The following FGFR1OP2 variants were observed in gnomAD, a reference collection of about 807,000 sequenced individuals.
FGFR1OP2 encodes FGFR1 oncogene partner 2.
A neutral mutation model predicts 35.2 loss-of-function variants in FGFR1OP2; 17 were observed. The observed-to-expected ratio is 0.48, with a 90% CI of 0.33 to 0.73. FGFR1OP2 has a LOEUF of 0.73. FGFR1OP2 is among the 30% of genes least tolerant of loss of function. The pLI, the probability that FGFR1OP2 is intolerant of heterozygous loss-of-function variation, is 0.02. For synonymous variants in FGFR1OP2, 105 were observed against 104.6 expected (o/e 1.00, Z -0.03); for missense variants, 251 against 307.3 (o/e 0.82, Z 1.37).
At chr12:26,944,981 T>C (rs935052674) in intron 1 of FGFR1OP2, among the ~76,000 whole-genome samples, 3 of 152,188 alleles carry the variant, frequency 2.0e-5, no homozygotes, top group African/African-American at 7.2e-5. Context: ...TCATTTAAAT[T>C]ATCCAATTCA....
intron 1 of FGFR1OP2, among the ~76,000 whole-genome samples, chr12:26,947,776 GTCTTAA>G (rs1445422009): frequency 3.3e-5 from 5 of 152,032 alleles, no homozygotes; most frequent in Non-Finnish European, 5.9e-5. Flanking sequence ...CTGATCATCT[GTCTTAA>G]TCTTATCTAA....
rs1411795451 is a variant in FGFR1OP2 at position 26,958,312 on chromosome 12, G to A, written c.396+569G>A. On this transcript the variant is annotated intron_variant, in intron 4 of 6. Transcript: ENST00000229395. The stretch of plus-strand genomic sequence containing the variant: ...GGAGTTTGAGGTTACATTGAGCTAC[G>A]ATCATGCCATTGCACTCCCATCTAG... 3.3e-5 allele frequency among the ~76,000 whole-genome samples: 5 copies of A among 152,178 alleles called. No individual in the cohort carries two copies. The East Asian group carries it at 5.8e-4, about 18-fold the overall frequency.
intron 1 of FGFR1OP2, among the ~76,000 whole-genome samples, chr12:26,944,724 GA>G (rs1340815494): frequency 2.5e-4 from 38 of 152,240 alleles, no homozygotes; most frequent in Non-Finnish European, 4.0e-4. Context: ...CAGTTTATGA[GA>G]TTAAAATTAC....
At chr12:26,946,059 T>C (rs1432298540) in intron 1 of FGFR1OP2, among the ~76,000 whole-genome samples, 1 of 152,188 alleles carries the variant, frequency 6.6e-6, no homozygotes, top group African/African-American at 2.4e-5. Flanking sequence ...TCATTTTGCC[T>C]ATATTGCTGA....
intron 4 of FGFR1OP2, among the ~76,000 whole-genome samples, chr12:26,959,577 A>G (rs1939073034): frequency 6.6e-6 from 1 of 152,160 alleles, no homozygotes; most frequent in Non-Finnish European, 1.5e-5. Context: ...CCTAAAATAT[A>G]TTAGATTTTA....
chr12:26,953,410 T>C (rs755609777), intron 1 of FGFR1OP2: 3 of 152,126 alleles, frequency 2.0e-5, no homozygotes, highest in Admixed American at 6.5e-5. Context: ...TTGAAGAAGC[T>C]GACAATTGAC....
rs376424844 is a variant in FGFR1OP2 at position 26,956,650 on chromosome 12, A to G, written c.243A>G (p.Gln81=). The change falls in exon 3 of 7, where the codon CAA becomes CAG. Residue 81 remains glutamine, a synonymous_variant. Transcript: ENST00000229395. The part of the protein sequence containing the change: ...QENRQIRELQ[Q]ENKELRTSLE... ...ACAGACAAATCAGAGAGTTGCAACA[A>G]GAAAACAAAGGTAAGATACGTTACT... 1.9e-6 allele frequency: 3 copies of G among 1,579,506 alleles called. No homozygotes were observed. Among genetic ancestry groups the G allele is most frequent in the African/African-American group, 2.7e-5 (2 of 73,822 alleles).
At position 26,964,850 on chromosome 12, in the gene FGFR1OP2, G is replaced by T; in HGVS notation, c.*117G>T. 1 of 1,061,206 alleles carries T rather than the reference G, an allele frequency of 9.4e-7. No homozygotes were observed. Among genetic ancestry groups the T allele is most frequent in the East Asian group, 2.5e-5 (1 of 40,556 alleles). 65.7% of individuals were successfully genotyped at this position (1,061,206 alleles called of 1,614,324 possible). ...TTCTCTGTAAATATGTACAGTGCACGGGCTATGAGATAGCAACAAAAAATG... is the reference window on the plus strand; with the variant it reads ...TTCTCTGTAAATATGTACAGTGCACTGGCTATGAGATAGCAACAAAAAATG... On this transcript the variant is annotated 3_prime_UTR_variant, in exon 7 of 7. Coordinates refer to ENST00000229395, the MANE Select transcript of FGFR1OP2 (RefSeq NM_015633.3).
chr12:26,940,839 TC>T (rs1337939112), intron 1 of FGFR1OP2, among the ~76,000 whole-genome samples: 1 of 152,224 alleles, frequency 6.6e-6, no homozygotes, highest in East Asian at 1.9e-4. Flanking sequence ...GAAATTTTTT[TC>T]GTCTTTAATT....
intron 1 of FGFR1OP2, among the ~76,000 whole-genome samples, chr12:26,939,088 C>CA (rs1177638760): frequency 2.0e-5 from 3 of 152,148 alleles, no homozygotes; most frequent in Non-Finnish European, 2.9e-5. Context: ...AACTGCTCTC[C>CA]AAGGGGTATT....
At chr12:26,959,370 A>G (rs1939070377) in intron 4 of FGFR1OP2, among the ~76,000 whole-genome samples, 1 of 152,134 alleles carries the variant, frequency 6.6e-6, no homozygotes, top group Non-Finnish European at 1.5e-5. Context: ...TAAAGGCACT[A>G]AAAGGAGTTG....
At chr12:26,952,323 C>T (rs1016435187) in intron 1 of FGFR1OP2, among the ~76,000 whole-genome samples, 3 of 152,038 alleles carry the variant, frequency 2.0e-5, no homozygotes, top group African/African-American at 2.4e-5. Context: ...TCTCTCAGAA[C>T]GGCATCTTCG....
intron 1 of FGFR1OP2, among the ~76,000 whole-genome samples, chr12:26,939,444 A>G (rs1047522874): frequency 3.9e-5 from 6 of 152,080 alleles, no homozygotes; most frequent in African/African-American, 7.2e-5. Flanking sequence ...GTCTGCCCCA[A>G]TCCATTTTAC....
intron 1 of FGFR1OP2, among the ~76,000 whole-genome samples, chr12:26,950,944 AAG>A (rs1219897939): frequency 5.9e-5 from 9 of 152,196 alleles, no homozygotes; most frequent in Admixed American, 2.6e-4. Flanking sequence ...TAATATGAAA[AAG>A]AGAGAGTAGC....
In FGFR1OP2 at chr12:26,942,685, G is replaced by T. The variant is rs112408900; in HGVS notation, c.-15+3975G>T. On this transcript the variant is annotated intron_variant, in intron 1 of 6. Transcript: ENST00000229395. Reference sequence around the variant, plus strand: ...TTTTAAGAGGACAGGTTTCATGATGGTTCTAATTGCATTTCTCTAATGGCT... The same window carrying T: ...TTTTAAGAGGACAGGTTTCATGATGTTTCTAATTGCATTTCTCTAATGGCT... Among the ~76,000 whole-genome samples the T allele has an allele frequency of 9.6e-3, 1,461 of 152,262 alleles. 31 individuals are homozygous for T. The highest frequency in any genetic ancestry group is 0.033 in the African/African-American group (1,385 of 41,536).
rs530071006 is a variant in FGFR1OP2, at chr12:26,941,100, T to A, written c.-15+2390T>A. Among the ~76,000 whole-genome samples, 1,112 of 151,718 alleles carry A rather than the reference T, an allele frequency of 7.3e-3. 9 individuals are homozygous for A. Among genetic ancestry groups the A allele is most frequent in the African/African-American group, 0.025 (1,022 of 41,358 alleles). ...GACTAATGCAGAAAAGAAAAAAAAA[T>A]TTTTTAACTTGCTAAAAAAAAAAAG... is the stretch of plus-strand genomic sequence containing the variant. On this transcript the variant is annotated intron_variant, in intron 1 of 6. Transcript: ENST00000229395.
chr12:26,956,485 T>C, intron 2 of FGFR1OP2, 58 bp from the exon 3 acceptor site: 3 of 313,406 alleles, frequency 9.6e-6, no homozygotes, highest in East Asian at 8.8e-5. Context: ...ATATCATATA[T>C]ATATATATAT....
Position 26,952,155 on chromosome 12 carries a change from T to C in FGFR1OP2, c.-14-1990T>C, listed in dbSNP as rs369382934. Among the ~76,000 whole-genome samples, 346 of 151,022 alleles carry C rather than the reference T, an allele frequency of 2.3e-3. 1 individual carries two copies. The highest frequency in any genetic ancestry group is 7.8e-3 in the African/African-American group (321 of 41,110). ...TAAAAGTTTACTCAGAAGGATCCGA[T>C]GTTCTATAGTAATGGGATTAATGGG... On this transcript the variant is annotated intron_variant, in intron 1 of 6. Transcript: ENST00000229395.
chr12:26,946,084 G>A (rs1206845108), intron 1 of FGFR1OP2, among the ~76,000 whole-genome samples: 2 of 152,152 alleles, frequency 1.3e-5, no homozygotes. Context: ...TGTGTACAAA[G>A]TCTGCCAGTT....
Sources: gnomAD v4.1 joint callset for allele counts (sites outside exome capture counted in the v4.1 genomes callset) on GRCh38, gnomAD v4.1.1 for gene constraint, MANE v1.5 for transcripts, NCBI Gene and HGNC (gene_info 2026-07-23, HGNC 2026-07-21) for gene names.